Variants in KCNIP3 observed in about 807,000 individuals in gnomAD.
KCNIP3 encodes calsenilin.
A neutral mutation model predicts 35.0 loss-of-function variants in KCNIP3; 28 were observed. The observed-to-expected ratio is 0.80, with a 90% CI of 0.59 to 1.10. The LOEUF (loss-of-function observed/expected upper bound fraction) is 1.10, where lower values mean the gene tolerates loss of function less well. KCNIP3 is among the 50% of genes least tolerant of loss of function. The probability of loss-of-function intolerance (pLI) is 0.00; values close to 1 mark genes in which losing one functional copy is unlikely to be tolerated. For synonymous variants in KCNIP3, 134 were observed against 133.8 expected, an observed-to-expected ratio of 1.00 and a Z score of -0.01; for missense variants, 295 against 338.4, an observed-to-expected ratio of 0.87 and a Z score of 1.01.
At chr2:95,325,774 TACACACACTCATAC>T (rs1179500963) in intron 2 of KCNIP3, among the ~76,000 whole-genome samples, 4 of 143,798 alleles carry the variant, frequency 2.8e-5, no homozygotes, top group African/African-American at 5.2e-5. Context: ...CACACTCATA[TACACACACTCATAC>T]ACACTCATAC....
chr2:95,329,129 T>C (rs1443001533), intron 2 of KCNIP3, among the ~76,000 whole-genome samples: 1 of 152,190 alleles, frequency 6.6e-6, no homozygotes, highest in Non-Finnish European at 1.5e-5. Context: ...ATTGTCTCTT[T>C]GGGTTACTTC....
chr2:95,333,343 G>A (rs750986731), intron 2 of KCNIP3, among the ~76,000 whole-genome samples: 2 of 152,204 alleles, frequency 1.3e-5, no homozygotes, highest in African/African-American at 2.4e-5. Flanking sequence ...ATGAGTAAAT[G>A]CATGAACCTA....
At chr2:95,328,490 C>G (rs1253318195) in intron 2 of KCNIP3, among the ~76,000 whole-genome samples, 3 of 152,222 alleles carry the variant, frequency 2.0e-5, no homozygotes, top group Non-Finnish European at 2.9e-5. Flanking sequence ...TTTCCAAGCA[C>G]TGATCTCACA....
At chr2:95,306,688 G>A (rs768716768) in intron 1 of KCNIP3, among the ~76,000 whole-genome samples, 18 of 152,156 alleles carry the variant, frequency 1.2e-4, no homozygotes, top group African/African-American at 2.2e-4. Context: ...GGGCTGTCAG[G>A]GCCTGGCAAG....
At position 95,375,118 on chromosome 2, in the gene KCNIP3, C is replaced by G. The variant is rs1482414180; in HGVS notation, c.377-20C>G. 1.2e-6 allele frequency: 2 copies of G among 1,613,490 alleles called. No individual in the cohort carries two copies. Among genetic ancestry groups the G allele is most frequent in the South Asian group, 1.1e-5 (1 of 91,064 alleles). On this transcript the variant is annotated intron_variant, in intron 4 of 8. Transcript: ENST00000295225. ...CCAGGCAGCCCCGACACACCCCAGC[C>G]TCTTCCTTGCCCTCCCCAGATGCCA...
chr2:95,335,684 T>C lies in KCNIP3; in HGVS notation c.181+25164T>C, dbSNP rs529600235. On this transcript the variant is annotated intron_variant, in intron 2 of 8. Coordinates refer to ENST00000295225, the MANE Select transcript of KCNIP3 (RefSeq NM_013434.5). Reference sequence around the variant, plus strand: ...CTTTCATCAGTTTTGGAAAATTTCTTCAAATTCTATTGTTATTTCTTTAAA... The same window carrying C: ...CTTTCATCAGTTTTGGAAAATTTCTCCAAATTCTATTGTTATTTCTTTAAA... Among the ~76,000 whole-genome samples the C allele has an allele frequency of 3.9e-5, 6 of 152,308 alleles. No homozygotes were observed. In the East Asian group the frequency reaches 1.2e-3, roughly 29 times the overall value.
chr2:95,383,118 C>CCCCCCAACCCCCCCCCCCCCCAA, intron 7 of KCNIP3, 114 bp from the exon 8 acceptor site: 1 of 408,788 alleles, frequency 2.4e-6, no homozygotes, highest in East Asian at 5.5e-5. Flanking sequence ...GGAGCCCACC[C>CCCCCCAACCCCCCCCCCCCCCAA]GCCCATCCAC....
At chr2:95,345,508 A>G (rs1001048820) in intron 2 of KCNIP3, among the ~76,000 whole-genome samples, 3 of 152,228 alleles carry the variant, frequency 2.0e-5, no homozygotes, top group Non-Finnish European at 4.4e-5. Context: ...TGAATGGCCG[A>G]GTGAGTGGCA....
At chr2:95,313,816 C>A (rs1282379951) in intron 2 of KCNIP3, 1 of 152,170 alleles carries the variant, frequency 6.6e-6, no homozygotes, top group African/African-American at 2.4e-5. Flanking sequence ...GCCAGGGCCC[C>A]ACCTAGCGCC....
chr2:95,354,093 G>C (rs767192263), intron 2 of KCNIP3, among the ~76,000 whole-genome samples: 3 of 152,212 alleles, frequency 2.0e-5, no homozygotes, highest in Admixed American at 1.3e-4. Context: ...TGTCTGAGTG[G>C]TTTCCTCACC....
rs189739478 is a variant in KCNIP3, at chr2:95,326,244, C to T, written c.181+15724C>T. 7.7e-4 allele frequency among the ~76,000 whole-genome samples: 65 copies of T among 84,000 alleles called. 1 individual carries two copies. The highest frequency in any genetic ancestry group is 3.9e-3 in the African/African-American group (64 of 16,230). 55.1% of individuals were successfully genotyped at this position (84,000 alleles called of 152,430 possible). ...TCATACACATACACATACACACACA[C>T]AACACTCACACATACACTCACACAT... is the stretch of plus-strand genomic sequence containing the variant. On this transcript the variant is annotated intron_variant, in intron 2 of 8. Transcript: ENST00000295225.
intron 5 of KCNIP3, 68 bp downstream of exon 5, chr2:95,375,276 C>A (rs1373562018): frequency 1.4e-6 from 2 of 1,425,918 alleles, no homozygotes; most frequent in Non-Finnish European, 2.0e-6. Context: ...CTTACCCTGG[C>A]GTCACTGTCA....
In KCNIP3 at chr2:95,324,803, C is replaced by T. The variant is rs192090899; in HGVS notation, c.181+14283C>T. On this transcript the variant is annotated intron_variant, in intron 2 of 8. Coordinates refer to ENST00000295225, the MANE Select transcript of KCNIP3 (RefSeq NM_013434.5). ...GCGGGCGCCTGTAGTCCCAGCTACTCGGGAGGTTGAGGCAGAAGAATGGCT... is the reference window on the plus strand; with the variant it reads ...GCGGGCGCCTGTAGTCCCAGCTACTTGGGAGGTTGAGGCAGAAGAATGGCT... 5.7e-3 allele frequency among the ~76,000 whole-genome samples: 863 copies of T among 151,772 alleles called. 9 individuals carry two copies. Among genetic ancestry groups the T allele is most frequent in the African/African-American group, 0.02 (817 of 41,406 alleles).
intron 2 of KCNIP3, among the ~76,000 whole-genome samples, chr2:95,352,307 C>T (rs1283852501): frequency 1.3e-5 from 2 of 152,116 alleles, no homozygotes; most frequent in Non-Finnish European, 1.5e-5. Flanking sequence ...AAGGGCCCAA[C>T]GCTGGGGCCC....
intron 5 of KCNIP3, among the ~76,000 whole-genome samples, chr2:95,379,422 C>T (rs1680283091): frequency 6.6e-6 from 1 of 151,678 alleles, no homozygotes; most frequent in South Asian, 2.1e-4. Context: ...CCAGAGGAGG[C>T]CCCCCCACCA....
At chr2:95,363,590 A>G (rs1328414617) in intron 2 of KCNIP3, among the ~76,000 whole-genome samples, 2 of 152,054 alleles carry the variant, frequency 1.3e-5, no homozygotes, top group Non-Finnish European at 2.9e-5. Flanking sequence ...TATACATTTC[A>G]GTGTGTGTTT....
At chr2:95,359,151 G>A (rs1679729594) in intron 2 of KCNIP3, among the ~76,000 whole-genome samples, 1 of 152,072 alleles carries the variant, frequency 6.6e-6, no homozygotes, top group African/African-American at 2.4e-5. Flanking sequence ...CATCCTGATA[G>A]CTCCCAAAGG....
chr2:95,350,967 G>A (rs866364233), intron 2 of KCNIP3, among the ~76,000 whole-genome samples: 7 of 152,190 alleles, frequency 4.6e-5, no homozygotes, highest in Non-Finnish European at 7.3e-5. Flanking sequence ...TCAGGGGTGA[G>A]CAAACTCTGA....
intron 2 of KCNIP3, among the ~76,000 whole-genome samples, chr2:95,372,345 T>C (rs10874471): frequency 0.16 from 25,078 of 152,144 alleles, 2,296 homozygotes; most frequent in East Asian, 0.29. Flanking sequence ...CCAACTCTCC[T>C]GCCAAAAATG....
Sources: allele counts gnomAD v4.1 joint callset (sites outside exome capture counted in the v4.1 genomes callset), GRCh38; gene constraint gnomAD v4.1.1; transcripts MANE v1.5; gene names NCBI Gene and HGNC (gene_info 2026-07-23, HGNC 2026-07-21).